The following CACNA2D1 variants were observed in gnomAD, a reference collection of about 807,000 sequenced individuals.
CACNA2D1 encodes the protein voltage-dependent calcium channel subunit alpha-2/delta-1.
CACNA2D1 carries 53 observed loss-of-function variants against 171.5 expected under a neutral mutation model. The observed-to-expected ratio is 0.31, with a 90% CI of 0.25 to 0.39. CACNA2D1 has a LOEUF of 0.39. CACNA2D1 is among the 10% of genes least tolerant of loss of function. The pLI is 1.00. For missense variants in CACNA2D1, 903 were observed against 1,299.8 expected, an observed-to-expected ratio of 0.69 and a Z score of 4.69; for synonymous variants, 442 against 443.1, an observed-to-expected ratio of 1.00 and a Z score of 0.03.
At chr7:82,244,942 T>C (rs1300568296) in intron 3 of CACNA2D1, among the ~76,000 whole-genome samples, 1 of 152,186 alleles carries the variant, frequency 6.6e-6, no homozygotes, top group African/African-American at 2.4e-5. Flanking sequence ...CTAGTATTAT[T>C]TTAAAATGCA....
chr7:82,384,706 G>A (rs1354165824), intron 1 of CACNA2D1, among the ~76,000 whole-genome samples: 1 of 152,162 alleles, frequency 6.6e-6, no homozygotes, highest in Non-Finnish European at 1.5e-5. Context: ...TAAACATTTT[G>A]TTAAATGCTA....
intron 3 of CACNA2D1, among the ~76,000 whole-genome samples, chr7:82,275,435 C>G (rs548662588): frequency 6.6e-6 from 1 of 152,080 alleles, no homozygotes; most frequent in Non-Finnish European, 1.5e-5. Flanking sequence ...TGAATAGATA[C>G]CACAGCTGTT....
At chr7:82,248,240 T>C (rs998046507) in intron 3 of CACNA2D1, among the ~76,000 whole-genome samples, 7 of 150,872 alleles carry the variant, frequency 4.6e-5, no homozygotes, top group African/African-American at 1.7e-4. Flanking sequence ...ACTTTGACTG[T>C]TTTTTCTAAA....
At chr7:82,139,204 T>C (rs2129083966) in intron 4 of CACNA2D1, among the ~76,000 whole-genome samples, 1 of 152,286 alleles carries the variant, frequency 6.6e-6, no homozygotes, top group African/African-American at 2.4e-5. Flanking sequence ...TTACACTTGG[T>C]CCATGGTACT....
chr7:81,992,857 G>C (rs1304599051), intron 20 of CACNA2D1, among the ~76,000 whole-genome samples: 7 of 152,066 alleles, frequency 4.6e-5, no homozygotes, highest in Non-Finnish European at 1.0e-4. Context: ...CCATCTTTCA[G>C]TAAATTTTCT....
intron 5 of CACNA2D1, among the ~76,000 whole-genome samples, chr7:82,135,431 T>C (rs773762634): frequency 1.5e-4 from 23 of 151,938 alleles, no homozygotes; most frequent in Non-Finnish European, 2.6e-4. Context: ...TATACAATCA[T>C]GACAAGAGGA....
chr7:82,094,744 T>C (rs1811657670), intron 6 of CACNA2D1, among the ~76,000 whole-genome samples: 1 of 152,234 alleles, frequency 6.6e-6, no homozygotes, highest in African/African-American at 2.4e-5. Flanking sequence ...CATGTACCCA[T>C]AAGACTTTTC....
chr7:81,964,390 G>A (rs1199535098), intron 32 of CACNA2D1, 31 bp from the exon 33 acceptor site: 1 of 1,597,096 alleles, frequency 6.3e-7, no homozygotes, highest in East Asian at 2.2e-5. Flanking sequence ...AAAGCAACGT[G>A]CACTTAAAAT....
intron 4 of CACNA2D1, among the ~76,000 whole-genome samples, chr7:82,144,627 T>TATAAAG (rs79998135): frequency 0.21 from 31,867 of 151,732 alleles, 3,610 homozygotes; most frequent in East Asian, 0.4. Flanking sequence ...TTAGCTCCTA[T>TATAAAG]ATAAAGCATT....
chr7:82,211,271 G>C (rs1282523047), intron 3 of CACNA2D1, among the ~76,000 whole-genome samples: 1 of 152,052 alleles, frequency 6.6e-6, no homozygotes, highest in Non-Finnish European at 1.5e-5. Context: ...TAAATTACAT[G>C]TTGCGGGGGT....
intron 10 of CACNA2D1, among the ~76,000 whole-genome samples, chr7:82,053,443 TAA>T (rs1220422451): frequency 7.0e-6 from 1 of 143,604 alleles, no homozygotes; most frequent in Non-Finnish European, 1.6e-5. Flanking sequence ...AAAAATGTAT[TAA>T]TGATTATTTT....
At chr7:82,422,188 T>A (rs1828776933) in intron 1 of CACNA2D1, among the ~76,000 whole-genome samples, 4 of 152,134 alleles carry the variant, frequency 2.6e-5, no homozygotes, top group African/African-American at 9.7e-5. Context: ...AATGTAATAA[T>A]AATTAATATC....
At chr7:82,234,076 C>A (rs1803265969) in intron 3 of CACNA2D1, among the ~76,000 whole-genome samples, 1 of 152,062 alleles carries the variant, frequency 6.6e-6, no homozygotes, top group African/African-American at 2.4e-5. Context: ...ATAGCAACTT[C>A]TTTAATCCTT....
At chr7:82,295,116 T>G (rs1015334200) in intron 3 of CACNA2D1, among the ~76,000 whole-genome samples, 27 of 152,308 alleles carry the variant, frequency 1.8e-4, no homozygotes, top group South Asian at 1.0e-3. Context: ...TTTCCAATAC[T>G]TCATTTTGCC....
At chr7:82,155,899 A>G (rs1794333064) in intron 4 of CACNA2D1, among the ~76,000 whole-genome samples, 2 of 152,350 alleles carry the variant, frequency 1.3e-5, no homozygotes, top group South Asian at 4.1e-4. Flanking sequence ...AGTCAGTAAA[A>G]TAATACTAAG....
chr7:82,155,128 T>C (rs34011652), intron 4 of CACNA2D1, among the ~76,000 whole-genome samples: 34,553 of 151,908 alleles, frequency 0.23, 4,597 homozygotes, highest in Middle Eastern at 0.3. Flanking sequence ...GCCGTGATAG[T>C]AACTTTCCAG....
chr7:81,947,202 G>T lies in CACNA2D1; in HGVS notation c.*3190C>A, dbSNP rs370648118. 6.6e-6 allele frequency: 1 copy of T among 151,854 alleles called. No homozygotes were observed. The highest frequency in any genetic ancestry group is 2.1e-4 in the South Asian group (1 of 4,822). 9.4% of individuals were successfully genotyped at this position (151,854 alleles called of 1,614,324 possible). A position where few individuals can be genotyped will look rare whatever the true frequency, so the allele number is the denominator to read the frequency against. On this transcript the variant is annotated 3_prime_UTR_variant, in exon 39 of 39. Coordinates refer to ENST00000356860, the MANE Select transcript of CACNA2D1 (RefSeq NM_000722.4). Reference sequence around the variant, plus strand: ...ATACAAGAGAGCATCAAATAAGCAAGTAACACTTGGGTTGCAAAGGTCACT... The same window carrying T: ...ATACAAGAGAGCATCAAATAAGCAATTAACACTTGGGTTGCAAAGGTCACT...
intron 3 of CACNA2D1, among the ~76,000 whole-genome samples, chr7:82,313,028 A>G (rs1814670443): frequency 6.6e-6 from 1 of 152,192 alleles, no homozygotes; most frequent in African/African-American, 2.4e-5. Context: ...TCCTGGTTTG[A>G]GAGTCCATCT....
chr7:82,094,564 T>G (rs563033773), intron 6 of CACNA2D1, among the ~76,000 whole-genome samples: 1 of 152,302 alleles, frequency 6.6e-6, no homozygotes, highest in South Asian at 2.1e-4. Flanking sequence ...CACATTAAAT[T>G]TACAAGTCCT....
Sources: allele counts gnomAD v4.1 joint callset (sites outside exome capture counted in the v4.1 genomes callset), GRCh38; gene constraint gnomAD v4.1.1; transcripts MANE v1.5; gene names NCBI Gene and HGNC (gene_info 2026-07-23, HGNC 2026-07-21).